Variants in PCDH9 observed in about 807,000 individuals in gnomAD.
PCDH9 encodes the protein protocadherin 9.
A neutral mutation model predicts 70.6 loss-of-function variants in PCDH9; 24 were observed. That is an observed-to-expected ratio of 0.34 (90% CI 0.25 to 0.48). The LOEUF is 0.48. PCDH9 is among the 20% of genes least tolerant of loss of function. The pLI, the probability that PCDH9 is intolerant of heterozygous loss-of-function variation, is 0.99. For missense variants in PCDH9, 1,281 were observed against 1,503.6 expected (o/e 0.85, Z 2.45); for synonymous variants, 562 against 558.5 (o/e 1.01, Z -0.09).
chr13:66,684,694 T>C (rs1566504444), intron 3 of PCDH9, among the ~76,000 whole-genome samples: 1 of 152,156 alleles, frequency 6.6e-6, no homozygotes, highest in Non-Finnish European at 1.5e-5. Flanking sequence ...AGCTCTTTCC[T>C]TTATAAATTA....
chr13:66,464,346 T>C (rs545182746), intron 4 of PCDH9, among the ~76,000 whole-genome samples: 4 of 151,962 alleles, frequency 2.6e-5, no homozygotes, highest in African/African-American at 9.6e-5. Context: ...TTCAGAAGCA[T>C]TATGTAGCTA....
chr13:66,754,986 G>T (rs952358522), intron 3 of PCDH9, among the ~76,000 whole-genome samples: 3 of 152,100 alleles, frequency 2.0e-5, no homozygotes, highest in African/African-American at 7.2e-5. Flanking sequence ...AATGTGGAAT[G>T]AATTTGAGAT....
chr13:66,470,041 C>T (rs1403006771), intron 4 of PCDH9, among the ~76,000 whole-genome samples: 1 of 152,166 alleles, frequency 6.6e-6, no homozygotes, highest in Non-Finnish European at 1.5e-5. Flanking sequence ...GAGCCAGCTT[C>T]TACCTCTTTC....
chr13:66,406,038 G>A (rs1161705431), intron 4 of PCDH9, among the ~76,000 whole-genome samples: 3 of 152,154 alleles, frequency 2.0e-5, no homozygotes, highest in African/African-American at 7.2e-5. Flanking sequence ...CCAGAGTGCT[G>A]TATTTATGAA....
chr13:67,063,817 T>C (rs1397319808), intron 2 of PCDH9, among the ~76,000 whole-genome samples: 1 of 152,166 alleles, frequency 6.6e-6, no homozygotes, highest in Admixed American at 6.6e-5. Context: ...TCAAAGTAGA[T>C]ATTGTTTCTA....
chr13:66,761,956 T>C (rs1373119800), intron 3 of PCDH9, among the ~76,000 whole-genome samples: 1 of 151,216 alleles, frequency 6.6e-6, no homozygotes, highest in Non-Finnish European at 1.5e-5. Context: ...CTTTTGTTCA[T>C]GTGTTGATGC....
At chr13:66,920,178 C>A (rs546499006) in intron 2 of PCDH9, among the ~76,000 whole-genome samples, 51 of 151,062 alleles carry the variant, frequency 3.4e-4, no homozygotes, top group Non-Finnish European at 6.2e-4. Context: ...CATTTTAAGA[C>A]ATGTACTTTT....
At chr13:66,710,832 G>T (rs934978493) in intron 3 of PCDH9, among the ~76,000 whole-genome samples, 7 of 151,946 alleles carry the variant, frequency 4.6e-5, no homozygotes, top group Admixed American at 1.3e-4. Flanking sequence ...TTCAAATCCA[G>T]CAAGGTCGCA....
At chr13:66,550,940 T>C (rs529520147) in intron 4 of PCDH9, among the ~76,000 whole-genome samples, 81 of 152,314 alleles carry the variant, frequency 5.3e-4, no homozygotes, top group Non-Finnish European at 9.8e-4. Flanking sequence ...TGCTACAACT[T>C]GTTTGATTAG....
At chr13:67,012,248 T>C (rs1280719828) in intron 2 of PCDH9, among the ~76,000 whole-genome samples, 1 of 151,702 alleles carries the variant, frequency 6.6e-6, no homozygotes, top group South Asian at 2.1e-4. Context: ...CTATTAGAAA[T>C]TCAATAAATG....
intron 4 of PCDH9, among the ~76,000 whole-genome samples, chr13:66,524,586 A>G (rs961183360): frequency 1.3e-5 from 2 of 152,066 alleles, no homozygotes; most frequent in Non-Finnish European, 2.9e-5. Flanking sequence ...CATAATTTGG[A>G]CTTGCAAAAT....
At chr13:67,204,793 G>C (rs1215215094) in intron 2 of PCDH9, 2 of 152,142 alleles carry the variant, frequency 1.3e-5, no homozygotes, top group Admixed American at 1.3e-4. Flanking sequence ...CATCTAGAAA[G>C]CTAATTCAAC....
chr13:66,706,395 T>C (rs1387862137), intron 3 of PCDH9, among the ~76,000 whole-genome samples: 1 of 152,218 alleles, frequency 6.6e-6, no homozygotes, highest in African/African-American at 2.4e-5. Context: ...TTAACCTGTC[T>C]GAAACACTTT....
At chr13:66,545,428 T>C (rs1961142453) in intron 4 of PCDH9, among the ~76,000 whole-genome samples, 1 of 152,224 alleles carries the variant, frequency 6.6e-6, no homozygotes, top group South Asian at 2.1e-4. Flanking sequence ...TTTAATTAGA[T>C]GATGGCATGT....
intron 2 of PCDH9, among the ~76,000 whole-genome samples, chr13:66,914,147 G>A (rs2082518541): frequency 6.6e-6 from 1 of 151,860 alleles, no homozygotes; most frequent in Non-Finnish European, 1.5e-5. Flanking sequence ...TAAAATGAAA[G>A]TTCTGTATGT....
intron 2 of PCDH9, among the ~76,000 whole-genome samples, chr13:67,172,877 CAAAAA>C (rs11407365): frequency 6.1e-5 from 6 of 99,120 alleles, no homozygotes; most frequent in Non-Finnish European, 1.1e-4. Flanking sequence ...GACTCCATCT[CAAAAA>C]AAAAAAAAAA....
At chr13:66,821,237 G>T (rs2080707035) in intron 3 of PCDH9, among the ~76,000 whole-genome samples, 1 of 152,036 alleles carries the variant, frequency 6.6e-6, no homozygotes, top group Non-Finnish European at 1.5e-5. Context: ...AGATAAATAA[G>T]TACGATTATG....
chr13:67,175,888 G>A (rs150535258), intron 2 of PCDH9, among the ~76,000 whole-genome samples: 1 of 151,864 alleles, frequency 6.6e-6, no homozygotes, highest in African/African-American at 2.4e-5. Flanking sequence ...TAGAGAATGT[G>A]TCTAATATTC....
intron 3 of PCDH9, among the ~76,000 whole-genome samples, chr13:66,654,473 T>C (rs2077899472): frequency 6.6e-6 from 1 of 152,092 alleles, no homozygotes; most frequent in Non-Finnish European, 1.5e-5. Context: ...AGAGTATAAT[T>C]AGATCACTTA....
Sources: allele counts gnomAD v4.1 joint callset (sites outside exome capture counted in the v4.1 genomes callset), GRCh38; gene constraint gnomAD v4.1.1; transcripts MANE v1.5; gene names NCBI Gene and HGNC (gene_info 2026-07-23, HGNC 2026-07-21).